The following VEPH1 variants were observed in gnomAD, a reference collection of about 807,000 sequenced individuals.
VEPH1 encodes ventricular zone-expressed PH domain-containing protein homolog 1.
In VEPH1, 80 loss-of-function variants were observed where a neutral mutation model predicts 85.2. The observed-to-expected ratio is 0.94, with a 90% CI of 0.78 to 1.13. The LOEUF is 1.13. Ranked by LOEUF, VEPH1 falls within the 50% of genes most tolerant of loss-of-function variation. VEPH1 has a pLI of 0.00. For missense variants in VEPH1, 955 were observed against 980.5 expected (o/e 0.97, Z 0.35); for synonymous variants, 297 against 348.0 (o/e 0.85, Z 1.63).
chr3:157,482,054 T>G (rs1738154515), intron 2 of VEPH1, among the ~76,000 whole-genome samples: 1 of 152,242 alleles, frequency 6.6e-6, no homozygotes, highest in South Asian at 2.1e-4. Flanking sequence ...ACCAGTACCA[T>G]GCTGTCTTAG....
At chr3:157,414,721 C>G (rs930145948) in intron 5 of VEPH1, among the ~76,000 whole-genome samples, 2 of 151,946 alleles carry the variant, frequency 1.3e-5, no homozygotes, top group Non-Finnish European at 1.5e-5. Context: ...AAATGGAATT[C>G]TTTTGTGGAA....
chr3:157,319,122 CAG>C (rs1721102500), intron 9 of VEPH1, among the ~76,000 whole-genome samples: 1 of 152,098 alleles, frequency 6.6e-6, no homozygotes, highest in Non-Finnish European at 1.5e-5. Flanking sequence ...AATAATGTGA[CAG>C]GGCAAGTTAG....
At chr3:157,451,636 C>A (rs1179955736) in intron 4 of VEPH1, among the ~76,000 whole-genome samples, 2 of 152,142 alleles carry the variant, frequency 1.3e-5, no homozygotes, top group African/African-American at 4.8e-5. Context: ...GGTTTGAAAT[C>A]AGGCACAGGA....
chr3:157,291,211 A>G (rs1441294131), intron 11 of VEPH1, among the ~76,000 whole-genome samples: 1 of 152,202 alleles, frequency 6.6e-6, no homozygotes, highest in Non-Finnish European at 1.5e-5. Context: ...AAGTATTTTT[A>G]AAAATTCCCA....
intron 2 of VEPH1, among the ~76,000 whole-genome samples, chr3:157,471,997 G>T (rs1317378566): frequency 6.6e-6 from 1 of 152,120 alleles, no homozygotes. Flanking sequence ...AGGGTTTACA[G>T]TTAAAAGTTA....
intron 13 of VEPH1, among the ~76,000 whole-genome samples, chr3:157,261,687 A>G (rs1476603212): frequency 6.6e-6 from 1 of 152,140 alleles, no homozygotes; most frequent in Non-Finnish European, 1.5e-5. Flanking sequence ...CAACGGTACA[A>G]TTTGGAGTGC....
In VEPH1 at chr3:157,381,231, C is replaced by T. The variant is rs759906036; in HGVS notation, c.1052G>A (p.Arg351His). The stretch of plus-strand genomic sequence containing the variant: ...AATGGCGGTGAAGCTGTTGCTCATG[C>T]GGAAGATGTCTCTGCTCTGAGGGCC... The part of the protein sequence containing the change: ...ILGPQSRDIF[R>H]MSNSFTAIAK... Residue 351 changes from arginine to histidine, a missense_variant, in exon 7 of 14, where the codon CGC (arginine) becomes CAC (histidine). Arg to His is a conservative substitution (Grantham distance 29). Coordinates refer to ENST00000362010, the MANE Select transcript of VEPH1 (RefSeq NM_001167912.2). The T allele has an allele frequency of 6.8e-6, 11 of 1,613,804 alleles. No homozygotes were observed. The highest frequency in any genetic ancestry group is 3.3e-5 in the South Asian group (3 of 91,056).
chr3:157,503,079 T>C (rs1245489453), intron 1 of VEPH1, among the ~76,000 whole-genome samples, 198 bp downstream of exon 1: 1 of 152,198 alleles, frequency 6.6e-6, no homozygotes, highest in Non-Finnish European at 1.5e-5. Context: ...ATTTTTACTC[T>C]AATAACCGAA....
Position 157,364,330 on chromosome 3 carries a change from T to C in VEPH1, c.1310A>G (p.Glu437Gly). 5 of 1,612,928 alleles carry C rather than the reference T, an allele frequency of 3.1e-6. No homozygotes were observed. The highest frequency in any genetic ancestry group is 4.2e-6 in the Non-Finnish European group (5 of 1,179,638). ...GTTAAATCTAATGTTTTTTCTTTCT[T>C]CTTTAGAAACTTGGCCCAGACTATA... Reference protein sequence around the residue: ...RRYSLGQVSKEERKNIRFNRS... With the variant: ...RRYSLGQVSKGERKNIRFNRS... Residue 437 changes from glutamate to glycine, a missense_variant, in exon 8 of 14, where the codon GAA becomes GGA. By Grantham distance (98) the Glu-to-Gly change is moderately conservative. Transcript: ENST00000362010.
At chr3:157,413,809 C>T (rs781467950) in intron 6 of VEPH1, 72 bp downstream of exon 6, 16 of 1,511,984 alleles carry the variant, frequency 1.1e-5, no homozygotes, top group Non-Finnish European at 1.3e-5. Flanking sequence ...TCATAATAAT[C>T]CAACCTATTA....
At chr3:157,384,908 T>C (rs950018584) in intron 6 of VEPH1, among the ~76,000 whole-genome samples, 1 of 152,154 alleles carries the variant, frequency 6.6e-6, no homozygotes, top group Non-Finnish European at 1.5e-5. Flanking sequence ...CATTGAGGGG[T>C]AGGGTCAGCA....
intron 12 of VEPH1, among the ~76,000 whole-genome samples, chr3:157,267,388 T>C (rs1713857259): frequency 6.7e-6 from 1 of 148,164 alleles, no homozygotes; most frequent in African/African-American, 2.5e-5. Context: ...TGAGCCACCA[T>C]GCCCAGCCGA....
chr3:157,446,560 G>A lies in VEPH1; in HGVS notation c.529+13621C>T, dbSNP rs111240516. ...TTCACTTTAACAAAGAATTAGATTT[G>A]CAAACAAACAAGAAATTATAATTGA... On this transcript the variant is annotated intron_variant, in intron 4 of 13. Transcript: ENST00000362010. 1.4e-4 allele frequency among the ~76,000 whole-genome samples: 21 copies of A among 152,192 alleles called. 1 individual carries two copies. The highest frequency in any genetic ancestry group is 5.1e-4 in the African/African-American group (21 of 41,524).
chr3:157,362,915 G>C lies in VEPH1; in HGVS notation c.1735+449C>G, dbSNP rs150557522. Among the ~76,000 whole-genome samples the C allele has an allele frequency of 2.8e-3, 423 of 152,230 alleles. 4 individuals are homozygous for C. The East Asian group carries it at 0.043, about 16-fold the overall frequency. On this transcript the variant is annotated intron_variant, in intron 9 of 13. Coordinates refer to ENST00000362010, the MANE Select transcript of VEPH1 (RefSeq NM_001167912.2). ...TCTGTTTGGTTTATAGCTGAATCTT[G>C]AGTACTTTTAACACAGTGCCTGGAA... is the stretch of plus-strand genomic sequence containing the variant.
In VEPH1 at chr3:157,380,301, G is replaced by A. The variant is rs73873660; in HGVS notation, c.1127+855C>T. ...ACATCCTCTGCACTGGGGCCAGGGTGAGCTTCCTAAAATCTGGACTGATTA... is the reference window on the plus strand; with the variant it reads ...ACATCCTCTGCACTGGGGCCAGGGTAAGCTTCCTAAAATCTGGACTGATTA... On this transcript the variant is annotated intron_variant, in intron 7 of 13. Transcript: ENST00000362010. Among the ~76,000 whole-genome samples, 997 of 152,256 alleles carry A rather than the reference G, an allele frequency of 6.5e-3. 11 individuals are homozygous for A. The highest frequency in any genetic ancestry group is 0.02 in the African/African-American group (850 of 41,520).
chr3:157,369,770 G>T lies in VEPH1; in HGVS notation c.1128-5258C>A, dbSNP rs79252425. ...TAATATAAAAAGATAGAAGTATTTT[G>T]TTCGAAACAAAGTTTTTGAACAAAA... is the stretch of plus-strand genomic sequence containing the variant. On this transcript the variant is annotated intron_variant, in intron 7 of 13. Transcript: ENST00000362010. Among the ~76,000 whole-genome samples, 920 of 152,104 alleles carry T rather than the reference G, an allele frequency of 6.0e-3. 14 individuals carry two copies. The highest frequency in any genetic ancestry group is 0.021 in the African/African-American group (869 of 41,496).
chr3:157,481,482 A>ACAAAC (rs1478283905), intron 2 of VEPH1, among the ~76,000 whole-genome samples: 1 of 148,404 alleles, frequency 6.7e-6, no homozygotes, highest in African/African-American at 2.5e-5. Flanking sequence ...AAAAAAAAAA[A>ACAAAC]AAAACAATCC....
At chr3:157,418,849 C>G (rs1312567281) in intron 5 of VEPH1, among the ~76,000 whole-genome samples, 1 of 152,114 alleles carries the variant, frequency 6.6e-6, no homozygotes, top group East Asian at 1.9e-4. Flanking sequence ...TCATTTGGAA[C>G]CAAAGAAGAG....
chr3:157,331,317 G>A (rs1722479617), intron 9 of VEPH1, among the ~76,000 whole-genome samples: 1 of 152,212 alleles, frequency 6.6e-6, no homozygotes, highest in African/African-American at 2.4e-5. Context: ...CTAGGACAGT[G>A]TGATTTGAGG....
Sources: gnomAD v4.1 joint callset for allele counts (sites outside exome capture counted in the v4.1 genomes callset) on GRCh38, gnomAD v4.1.1 for gene constraint, MANE v1.5 for transcripts, NCBI Gene and HGNC (gene_info 2026-07-23, HGNC 2026-07-21) for gene names.